Variants in FAF1 observed in about 807,000 individuals in gnomAD.
The protein encoded by FAF1 is FAS-associated factor 1.
Under a neutral mutation model 92.5 loss-of-function variants are expected in FAF1, and 25 were observed. The observed-to-expected ratio is 0.27, with a 90% confidence interval of 0.20 to 0.38. FAF1 has a LOEUF of 0.38. FAF1 is among the 10% of genes least tolerant of loss of function. The pLI is 1.00. For missense variants in FAF1, 636 were observed against 793.3 expected, an observed-to-expected ratio of 0.80 and a Z score of 2.38; for synonymous variants, 234 against 273.2, an observed-to-expected ratio of 0.86 and a Z score of 1.42.
chr1:50,540,928 C>T (rs949365283), intron 13 of FAF1, among the ~76,000 whole-genome samples: 1 of 152,138 alleles, frequency 6.6e-6, no homozygotes, highest in South Asian at 2.1e-4. Context: ...CAACTTAAAT[C>T]GTGTGTTTTC....
intron 1 of FAF1, among the ~76,000 whole-genome samples, chr1:50,932,223 C>T (rs896140268): frequency 6.6e-6 from 1 of 152,070 alleles, no homozygotes; most frequent in Non-Finnish European, 1.5e-5. Context: ...CCCCCAAAGC[C>T]GTAACTCATT....
chr1:50,788,135 A>G lies in FAF1; in HGVS notation c.232T>C (p.Ser78Pro). 4 of 1,614,122 alleles carry G rather than the reference A, an allele frequency of 2.5e-6. No individual in the cohort carries two copies. The Admixed American group carries it at 6.7e-5, about 27-fold the overall frequency. ...PASHPASAPT[S>P]SSSSAFRPVM... Reference sequence around the variant, plus strand: ...GGTCGAAACGCTGAAGAAGAAGAGGAAGTAGGAGCTGAAGCTGGATGACTT... The same window carrying G: ...GGTCGAAACGCTGAAGAAGAAGAGGGAGTAGGAGCTGAAGCTGGATGACTT... The change falls in exon 4 of 19, where the codon TCC becomes CCC. Residue 78 changes from serine (S) to proline (P), a missense_variant. Ser to Pro is a moderately conservative substitution (Grantham distance 74). Transcript: ENST00000396153.
At chr1:50,921,291 C>T (rs988175412) in intron 1 of FAF1, among the ~76,000 whole-genome samples, 1 of 152,196 alleles carries the variant, frequency 6.6e-6, no homozygotes, top group African/African-American at 2.4e-5. Context: ...GCTGGCCTGC[C>T]CAACTCTGCA....
At chr1:50,800,587 G>A (rs188545862) in intron 3 of FAF1, among the ~76,000 whole-genome samples, 46 of 152,238 alleles carry the variant, frequency 3.0e-4, no homozygotes, top group Non-Finnish European at 5.4e-4. Context: ...AGAGAGGAAC[G>A]GGGGTATAGG....
At chr1:50,777,316 G>A (rs1660998586) in intron 4 of FAF1, among the ~76,000 whole-genome samples, 1 of 151,806 alleles carries the variant, frequency 6.6e-6, no homozygotes, top group Admixed American at 6.6e-5. Context: ...CACTCGGGAA[G>A]CTGAGGTGGG....
At chr1:50,462,119 G>A (rs895395195) in intron 18 of FAF1, 4 of 149,806 alleles carry the variant, frequency 2.7e-5, no homozygotes, top group Admixed American at 6.7e-5. Flanking sequence ...GGGAGGTTGT[G>A]CCTGGTTTCT....
chr1:50,492,315 C>T (rs1317344879), intron 15 of FAF1, among the ~76,000 whole-genome samples: 2 of 152,060 alleles, frequency 1.3e-5, no homozygotes, highest in African/African-American at 4.8e-5. Flanking sequence ...AAGCAAAATA[C>T]TCTGGTTAAC....
chr1:50,787,583 G>A (rs923533263), intron 4 of FAF1, among the ~76,000 whole-genome samples: 3 of 152,086 alleles, frequency 2.0e-5, no homozygotes, highest in Non-Finnish European at 2.9e-5. Context: ...AGAAATGTGA[G>A]AAAATAAATT....
chr1:50,545,990 A>G (rs970119910), intron 13 of FAF1, among the ~76,000 whole-genome samples: 1 of 152,224 alleles, frequency 6.6e-6, no homozygotes, highest in African/African-American at 2.4e-5. Flanking sequence ...TAACAAAGTG[A>G]GACCTGCCTC....
At chr1:50,678,367 A>T (rs1404052258) in intron 7 of FAF1, among the ~76,000 whole-genome samples, 1 of 152,222 alleles carries the variant, frequency 6.6e-6, no homozygotes, top group African/African-American at 2.4e-5. Flanking sequence ...AAGTGGTTAT[A>T]TCACACAGTC....
chr1:50,655,118 C>G (rs981972243), intron 8 of FAF1, among the ~76,000 whole-genome samples: 1 of 151,662 alleles, frequency 6.6e-6, no homozygotes, highest in South Asian at 2.1e-4. Context: ...TAGAGGCGGC[C>G]GCCAAGTGAT....
chr1:50,619,379 T>C (rs1323612035), intron 8 of FAF1, among the ~76,000 whole-genome samples: 1 of 152,224 alleles, frequency 6.6e-6, no homozygotes, highest in African/African-American at 2.4e-5. Flanking sequence ...TATCATTCTT[T>C]TGATTCCAAG....
At chr1:50,636,367 T>C (rs1259215212) in intron 8 of FAF1, among the ~76,000 whole-genome samples, 12 of 150,662 alleles carry the variant, frequency 8.0e-5, no homozygotes, top group Non-Finnish European at 1.8e-4. Context: ...TTCTCTTAGT[T>C]TGGGGCGTGT....
At chr1:50,539,334 A>C (rs1185499725) in intron 14 of FAF1, among the ~76,000 whole-genome samples, 2 of 152,244 alleles carry the variant, frequency 1.3e-5, no homozygotes, top group African/African-American at 4.8e-5. Context: ...AGATTATACA[A>C]TTTAGCAATT....
intron 6 of FAF1, chr1:50,706,195 A>G: frequency 8.1e-6 from 2 of 247,716 alleles, no homozygotes; most frequent in Non-Finnish European, 1.5e-5. Context: ...CTCCTCCAAC[A>G]AAGCTGTCAA....
At chr1:50,720,916 C>T (rs971489739) in intron 6 of FAF1, among the ~76,000 whole-genome samples, 16 of 152,180 alleles carry the variant, frequency 1.1e-4, no homozygotes, top group African/African-American at 1.7e-4. Flanking sequence ...AGAAGCCCCA[C>T]GCTCCTATTC....
At chr1:50,950,535 T>A (rs937042064) in intron 1 of FAF1, among the ~76,000 whole-genome samples, 3 of 152,220 alleles carry the variant, frequency 2.0e-5, no homozygotes, top group African/African-American at 7.2e-5. Context: ...ATGGCTGTGT[T>A]GCAATAAATC....
chr1:50,675,075 G>A (rs1656060886), intron 7 of FAF1, among the ~76,000 whole-genome samples: 1 of 152,098 alleles, frequency 6.6e-6, no homozygotes, highest in South Asian at 2.1e-4. Flanking sequence ...ATTTTTAGTA[G>A]AGACAGGGTT....
At chr1:50,753,273 A>G (rs971367036) in intron 4 of FAF1, among the ~76,000 whole-genome samples, 4 of 152,210 alleles carry the variant, frequency 2.6e-5, no homozygotes, top group Non-Finnish European at 4.4e-5. Flanking sequence ...GAATTGCAGA[A>G]TGTATTCTGG....
Sources: allele counts gnomAD v4.1 joint callset (sites outside exome capture counted in the v4.1 genomes callset), GRCh38; gene constraint gnomAD v4.1.1; transcripts MANE v1.5; gene names NCBI Gene and HGNC (gene_info 2026-07-23, HGNC 2026-07-21).